The following CFAP61 variants were observed in gnomAD, a reference collection of about 807,000 sequenced individuals.
The protein encoded by CFAP61 is cilia and flagella associated protein 61, also known as cilia- and flagella-associated protein 61.
Under a neutral mutation model 135.6 loss-of-function variants are expected in CFAP61, and 107 were observed. That is an observed-to-expected ratio of 0.79 (90% CI 0.67 to 0.93). CFAP61 has a LOEUF of 0.93. CFAP61 is among the 40% of genes least tolerant of loss of function. CFAP61 has a pLI of 0.00. For missense variants in CFAP61, 1,507 were observed against 1,556.2 expected, an observed-to-expected ratio of 0.97 and a Z score of 0.53; for synonymous variants, 575 against 578.5, an observed-to-expected ratio of 0.99 and a Z score of 0.09.
At chr20:20,339,108 C>T (rs2058343753) in intron 25 of CFAP61, among the ~76,000 whole-genome samples, 3 of 152,124 alleles carry the variant, frequency 2.0e-5, no homozygotes, top group Non-Finnish European at 2.9e-5. Context: ...GCACACAGCC[C>T]CTTAAAAAGC....
chr20:20,195,585 G>A lies in CFAP61; in HGVS notation c.1591-985G>A, dbSNP rs538310490. Among the ~76,000 whole-genome samples, 32 of 151,548 alleles carry A rather than the reference G, an allele frequency of 2.1e-4. 1 individual carries two copies. The South Asian group carries it at 6.5e-3, about 31-fold the overall frequency. ...CCCAGTGCAGTGTGGGGACAGAGGG[G>A]GGACCAGAACTGGGCCTGTGGAAAC... On this transcript the variant is annotated intron_variant, in intron 15 of 26. Transcript: ENST00000245957.
chr20:20,231,538 G>A lies in CFAP61; in HGVS notation c.2060+3162G>A, dbSNP rs559062622. Among the ~76,000 whole-genome samples, 5 of 152,294 alleles carry A rather than the reference G, an allele frequency of 3.3e-5. No individual in the cohort carries two copies. The South Asian group carries it at 1.0e-3, about 32-fold the overall frequency. On this transcript the variant is annotated intron_variant, in intron 18 of 26. Coordinates refer to ENST00000245957, the MANE Select transcript of CFAP61 (RefSeq NM_015585.4). ...TCAGCCCTGCGGGAGACCTCCAGGG[G>A]TGGAGATGGGCAGGGGCGTAGCGTC...
intron 14 of CFAP61, among the ~76,000 whole-genome samples, chr20:20,188,738 G>GA (rs200940681): frequency 1.3e-5 from 2 of 151,762 alleles, no homozygotes; most frequent in Non-Finnish European, 1.5e-5. Flanking sequence ...ATTTTATTTT[G>GA]AAAAAAAATT....
At chr20:20,187,826 G>T in intron 13 of CFAP61, 104 bp from the exon 14 acceptor site, 2 of 849,480 alleles carry the variant, frequency 2.4e-6, no homozygotes, top group South Asian at 1.7e-5. Context: ...ATACTTTACT[G>T]GATATTATTT....
chr20:20,082,549 G>C (rs1244300668), intron 6 of CFAP61, among the ~76,000 whole-genome samples: 2 of 152,144 alleles, frequency 1.3e-5, no homozygotes, highest in African/African-American at 4.8e-5. Flanking sequence ...GAAACTACTG[G>C]CATGCTCTTT....
intron 26 of CFAP61, among the ~76,000 whole-genome samples, chr20:20,343,828 G>C (rs937549766): frequency 6.6e-6 from 1 of 152,182 alleles, no homozygotes; most frequent in African/African-American, 2.4e-5. Context: ...CATGGAAACT[G>C]TCAAGCCCAA....
intron 18 of CFAP61, among the ~76,000 whole-genome samples, chr20:20,241,272 G>A (rs547861788): frequency 6.6e-6 from 1 of 152,298 alleles, no homozygotes; most frequent in African/African-American, 2.4e-5. Context: ...TATGAGGAAG[G>A]GGGATAGTAA....
chr20:20,172,111 C>G (rs1342714930), intron 13 of CFAP61: 5 of 770,612 alleles, frequency 6.5e-6, no homozygotes, highest in Non-Finnish European at 8.2e-6. Flanking sequence ...CAGTTGATTC[C>G]TTAATTAAAA....
At chr20:20,312,713 C>T (rs2056901878) in intron 25 of CFAP61, among the ~76,000 whole-genome samples, 1 of 152,202 alleles carries the variant, frequency 6.6e-6, no homozygotes, top group African/African-American at 2.4e-5. Context: ...GACACGGGCA[C>T]ATTCTTTACA....
chr20:20,324,682 C>A (rs1382490479), intron 25 of CFAP61, among the ~76,000 whole-genome samples: 1 of 152,198 alleles, frequency 6.6e-6, no homozygotes, highest in African/African-American at 2.4e-5. Flanking sequence ...GTTATTCCCA[C>A]TAACAGGACA....
At chr20:20,333,691 A>G (rs1342222034) in intron 25 of CFAP61, among the ~76,000 whole-genome samples, 1 of 152,154 alleles carries the variant, frequency 6.6e-6, no homozygotes, top group African/African-American at 2.4e-5. Flanking sequence ...ATTCAGAAAA[A>G]CAAATGGACA....
chr20:20,249,806 ATGAATCCC>A (rs1301972441), intron 19 of CFAP61, among the ~76,000 whole-genome samples: 1 of 152,218 alleles, frequency 6.6e-6, no homozygotes, highest in Non-Finnish European at 1.5e-5. Flanking sequence ...GCCTCATAAA[ATGAATCCC>A]TGTGCACTAA....
intron 26 of CFAP61, among the ~76,000 whole-genome samples, chr20:20,358,061 G>A: frequency 6.7e-6 from 1 of 149,418 alleles, no homozygotes; most frequent in African/African-American, 2.5e-5. Flanking sequence ...AGTGTGAGGG[G>A]AGGTGGTCAC....
At chr20:20,087,422 G>A (rs118047358) in intron 6 of CFAP61, among the ~76,000 whole-genome samples, 1 of 152,140 alleles carries the variant, frequency 6.6e-6, no homozygotes, top group Non-Finnish European at 1.5e-5. Context: ...TTCACTTAGG[G>A]TAATGACCTT....
chr20:20,121,254 T>A lies in CFAP61; in HGVS notation c.860-21603T>A, dbSNP rs540534076. Among the ~76,000 whole-genome samples the A allele has an allele frequency of 6.8e-4, 103 of 151,568 alleles. 1 individual carries two copies. Among genetic ancestry groups the A allele is most frequent in the African/African-American group, 2.3e-3 (97 of 41,356 alleles). On this transcript the variant is annotated intron_variant, in intron 8 of 26. Coordinates refer to ENST00000245957, the MANE Select transcript of CFAP61 (RefSeq NM_015585.4). ...CTGAGTAGCTGGGACTACAGGCACA[T>A]GCCACTGCAACTGGCTAATTTTTTT...
intron 20 of CFAP61, among the ~76,000 whole-genome samples, chr20:20,257,295 T>C (rs1055739436): frequency 6.6e-6 from 1 of 152,130 alleles, no homozygotes; most frequent in Non-Finnish European, 1.5e-5. Context: ...TAATGTGCAC[T>C]CAAAATAATT....
intron 25 of CFAP61, among the ~76,000 whole-genome samples, chr20:20,322,332 C>T (rs2057558309): frequency 6.6e-6 from 1 of 152,142 alleles, no homozygotes; most frequent in South Asian, 2.1e-4. Context: ...AAATGACGTT[C>T]CCTGTTTCCT....
intron 25 of CFAP61, among the ~76,000 whole-genome samples, chr20:20,305,179 G>C (rs1271228665): frequency 6.6e-6 from 1 of 152,204 alleles, no homozygotes; most frequent in Non-Finnish European, 1.5e-5. Flanking sequence ...GAGTGTTGCT[G>C]TGCACAGTGT....
chr20:20,096,643 A>G (rs1289559397), intron 7 of CFAP61, among the ~76,000 whole-genome samples: 3 of 152,240 alleles, frequency 2.0e-5, no homozygotes, highest in South Asian at 2.1e-4. Flanking sequence ...ACCAAGATGG[A>G]TGCCAATTTT....
Sources: gnomAD v4.1 joint callset for allele counts (sites outside exome capture counted in the v4.1 genomes callset) on GRCh38, gnomAD v4.1.1 for gene constraint, MANE v1.5 for transcripts, NCBI Gene and HGNC (gene_info 2026-07-23, HGNC 2026-07-21) for gene names.